The following TMC5 variants were observed in gnomAD, a reference collection of about 807,000 sequenced individuals.
TMC5 encodes transmembrane channel-like protein 5.
TMC5 carries 86 observed loss-of-function variants against 110.5 expected under a neutral mutation model. The ratio of observed to expected loss-of-function variants is 0.78; its 90% CI spans 0.65 to 0.93. The LOEUF (loss-of-function observed/expected upper bound fraction) is 0.93. TMC5 is among the 40% of genes least tolerant of loss of function. The pLI, the probability that TMC5 is intolerant of heterozygous loss-of-function variation, is 0.00. For synonymous variants in TMC5, 455 were observed against 439.5 expected (o/e 1.04, Z -0.44); for missense variants, 1,144 against 1,222.8 (o/e 0.94, Z 0.96).
intron 1 of TMC5, among the ~76,000 whole-genome samples, chr16:19,424,175 G>A (rs1267966625): frequency 6.6e-6 from 1 of 152,168 alleles, no homozygotes; most frequent in Non-Finnish European, 1.5e-5. Context: ...TCCTGGCCTT[G>A]GGAACTTCTG....
At chr16:19,432,180 A>G (rs1967209435) in intron 2 of TMC5, among the ~76,000 whole-genome samples, 1 of 152,152 alleles carries the variant, frequency 6.6e-6, no homozygotes, top group Admixed American at 6.6e-5. Flanking sequence ...AAGATTTCTG[A>G]ATTAGCTGAA....
intron 5 of TMC5, among the ~76,000 whole-genome samples, chr16:19,455,953 A>T (rs1393349942): frequency 6.6e-6 from 1 of 152,206 alleles, no homozygotes; most frequent in Non-Finnish European, 1.5e-5. Flanking sequence ...CACGCCTGTA[A>T]TCCCAGCACT....
chr16:19,492,915 G>GAGATATATATATAT (rs1555486833), intron 19 of TMC5, among the ~76,000 whole-genome samples: 39 of 42,782 alleles, frequency 9.1e-4, no homozygotes, highest in East Asian at 5.4e-3. Flanking sequence ...TTAAAACTTA[G>GAGATATATATATAT]ATATATATAT....
chr16:19,465,127 C>A (rs1420928178), intron 8 of TMC5, among the ~76,000 whole-genome samples: 14 of 119,478 alleles, frequency 1.2e-4, no homozygotes, highest in South Asian at 6.3e-4. Flanking sequence ...CTCCCTCCCT[C>A]CCTCCCTTCC....
rs772534758 is a variant in TMC5, at chr16:19,463,939, A to C, written c.1400A>C (p.Asn467Thr). 2 of 1,614,154 alleles carry C rather than the reference A, an allele frequency of 1.2e-6. No individual in the cohort carries two copies. The highest frequency in any genetic ancestry group is 3.3e-5 in the Admixed American group (2 of 59,998). Reference protein sequence around the residue: ...LKFNIFSFILNFSFIIIPQFT... With the variant: ...LKFNIFSFILTFSFIIIPQFT... ...TTCAACATTTTCTCATTCATCCTGAACTTCAGCTTCATCATAATCCCTCAG... is the reference window on the plus strand; with the variant it reads ...TTCAACATTTTCTCATTCATCCTGACCTTCAGCTTCATCATAATCCCTCAG... The change falls in exon 8 of 22, where the codon AAC (asparagine) becomes ACC (threonine). Residue 467 changes from asparagine to threonine, a missense_variant. Transcript: ENST00000542583.
intron 11 of TMC5, among the ~76,000 whole-genome samples, chr16:19,473,221 C>G (rs886417972): frequency 6.6e-6 from 1 of 151,734 alleles, no homozygotes; most frequent in South Asian, 2.1e-4. Flanking sequence ...TGGTGCACCC[C>G]TGTAATCCCA....
At position 19,463,266 on chromosome 16, in the gene TMC5, G is replaced by A. The variant is rs1968074879; in HGVS notation, c.1149-14G>A. On this transcript the variant is annotated splice_polypyrimidine_tract_variant and intron_variant, in intron 6 of 21. Transcript: ENST00000542583. Reference sequence around the variant, plus strand: ...ACATTTGTATCTCTCATTTTCTCTTGCTGTTCCCTACAGGAAAATAGTTGA... The same window carrying A: ...ACATTTGTATCTCTCATTTTCTCTTACTGTTCCCTACAGGAAAATAGTTGA... The A allele has an allele frequency of 6.3e-7, 1 of 1,597,704 alleles. No individual in the cohort carries two copies. Among genetic ancestry groups the A allele is most frequent in the African/African-American group, 1.3e-5 (1 of 74,674 alleles).
intron 12 of TMC5, among the ~76,000 whole-genome samples, chr16:19,475,394 C>G (rs1968461732): frequency 6.6e-6 from 1 of 151,758 alleles, no homozygotes; most frequent in Admixed American, 6.6e-5. Context: ...TGCACTCCAG[C>G]CTGGGTGACA....
chr16:19,445,682 T>C (rs868856762), intron 4 of TMC5, among the ~76,000 whole-genome samples: 3 of 151,746 alleles, frequency 2.0e-5, no homozygotes, highest in South Asian at 4.2e-4. Flanking sequence ...GTTCAGCCAA[T>C]AAGAAGAGAA....
chr16:19,456,442 C>T, intron 5 of TMC5: 1 of 1,147,854 alleles, frequency 8.7e-7, no homozygotes, highest in Non-Finnish European at 1.1e-6. Context: ...TCTTGCCTAG[C>T]TACCAAGACA....
intron 4 of TMC5, among the ~76,000 whole-genome samples, chr16:19,448,250 C>T (rs545385699): frequency 6.6e-6 from 1 of 151,336 alleles, no homozygotes; most frequent in African/African-American, 2.4e-5. Flanking sequence ...CTTTTCAGTT[C>T]TATATGTATA....
chr16:19,486,810 G>C (rs1421558510), intron 15 of TMC5, 135 bp from the exon 16 acceptor site: 7 of 703,884 alleles, frequency 9.9e-6, no homozygotes, highest in Non-Finnish European at 1.7e-5. Context: ...CGGGGTTAAG[G>C]CCTCAATATA....
intron 2 of TMC5, among the ~76,000 whole-genome samples, chr16:19,436,051 C>G (rs576609509): frequency 1.7e-3 from 254 of 152,020 alleles, no homozygotes; most frequent in Admixed American, 4.2e-3. Context: ...CACCTGAGGT[C>G]AGGAGTTCGA....
At chr16:19,456,747 T>C (rs755983213) in intron 5 of TMC5, 17 of 1,613,680 alleles carry the variant, frequency 1.1e-5, no homozygotes, top group Non-Finnish European at 1.7e-6. Context: ...ATCATACAGG[T>C]TGAGAATGTT....
At chr16:19,493,650 G>A (rs941880272) in intron 19 of TMC5, among the ~76,000 whole-genome samples, 5 of 151,956 alleles carry the variant, frequency 3.3e-5, no homozygotes, top group Non-Finnish European at 7.4e-5. Context: ...TAGTAGAGAC[G>A]GGGTTTCACC....
intron 15 of TMC5, among the ~76,000 whole-genome samples, chr16:19,484,139 T>C (rs879428784): frequency 6.6e-6 from 1 of 151,370 alleles, no homozygotes; most frequent in African/African-American, 2.4e-5. Context: ...TTAAATGCCA[T>C]GGTAAATGAA....
chr16:19,493,468 T>TCTCTCTCTC (rs1567329425), intron 19 of TMC5, among the ~76,000 whole-genome samples: 5 of 150,224 alleles, frequency 3.3e-5, no homozygotes, highest in South Asian at 4.2e-4. Flanking sequence ...TCTCTCTCTT[T>TCTCTCTCTC]TTTTTTTTTT....
chr16:19,436,154 C>T (rs961390072), intron 2 of TMC5, among the ~76,000 whole-genome samples: 2 of 150,996 alleles, frequency 1.3e-5, no homozygotes, highest in Non-Finnish European at 3.0e-5. Context: ...CCCAGCTCCT[C>T]GGGAGGCTGA....
At chr16:19,473,005 T>A (rs1968382704) in intron 11 of TMC5, among the ~76,000 whole-genome samples, 1 of 151,680 alleles carries the variant, frequency 6.6e-6, no homozygotes, top group South Asian at 2.1e-4. Context: ...AATGCCAGAG[T>A]GCTGCCTCCT....
Sources: gnomAD v4.1 joint callset for allele counts (sites outside exome capture counted in the v4.1 genomes callset) on GRCh38, gnomAD v4.1.1 for gene constraint, MANE v1.5 for transcripts, NCBI Gene and HGNC (gene_info 2026-07-23, HGNC 2026-07-21) for gene names.